Variants in PHACTR1 observed in about 807,000 individuals in gnomAD.
PHACTR1 encodes RPEL repeat containing 1.
In PHACTR1, 16 loss-of-function variants were observed where a neutral mutation model predicts 69.2. That is an observed-to-expected ratio of 0.23 (90% CI 0.16 to 0.35). PHACTR1 has a LOEUF of 0.35. Among genes scored for constraint, PHACTR1 ranks in the 10% least tolerant of loss-of-function variants. PHACTR1 has a pLI of 1.00. For missense variants in PHACTR1, 510 were observed against 734.7 expected (o/e 0.69, Z 3.54); for synonymous variants, 312 against 284.5 (o/e 1.10, Z -0.97).
intron 4 of PHACTR1, among the ~76,000 whole-genome samples, chr6:13,046,748 C>A (rs539974069): frequency 1.3e-5 from 2 of 152,006 alleles, no homozygotes; most frequent in African/African-American, 4.8e-5. Context: ...ACGTCCCCAT[C>A]CCATTCCTAA....
chr6:13,255,673 T>C (rs1775086135), intron 10 of PHACTR1, among the ~76,000 whole-genome samples: 1 of 152,252 alleles, frequency 6.6e-6, no homozygotes, highest in South Asian at 2.1e-4. Context: ...GTCCTAAACC[T>C]AGCAGGGCAG....
chr6:13,265,618 G>A (rs997857505), intron 10 of PHACTR1, among the ~76,000 whole-genome samples: 1 of 152,170 alleles, frequency 6.6e-6, no homozygotes, highest in African/African-American at 2.4e-5. Flanking sequence ...TTGTTTGACC[G>A]AGTCTATTGG....
chr6:12,730,677 T>C (rs2127571070), intron 3 of PHACTR1, among the ~76,000 whole-genome samples: 1 of 152,348 alleles, frequency 6.6e-6, no homozygotes, highest in Admixed American at 6.5e-5. Flanking sequence ...TGAGGGTTTG[T>C]TGTACAGATT....
intron 10 of PHACTR1, among the ~76,000 whole-genome samples, chr6:13,255,893 G>A (rs780420398): frequency 1.3e-5 from 2 of 152,220 alleles, no homozygotes; most frequent in African/African-American, 2.4e-5. Flanking sequence ...ATCTTCTGGG[G>A]CCTAGAGGAC....
chr6:13,136,888 A>C (rs958747864), intron 5 of PHACTR1, among the ~76,000 whole-genome samples: 2 of 152,216 alleles, frequency 1.3e-5, no homozygotes, highest in African/African-American at 4.8e-5. Flanking sequence ...CCTCAAAACG[A>C]TTACAATAGT....
intron 8 of PHACTR1, among the ~76,000 whole-genome samples, chr6:13,214,691 G>A (rs936436865): frequency 1.6e-4 from 25 of 152,166 alleles, no homozygotes; most frequent in Non-Finnish European, 1.0e-4. Flanking sequence ...CATTCTAGAC[G>A]GATTAGAGGA....
intron 7 of PHACTR1, 120 bp from the exon 8 acceptor site, chr6:13,205,695 G>A (rs1242645674): frequency 9.7e-6 from 9 of 925,784 alleles, no homozygotes; most frequent in South Asian, 3.4e-5. Flanking sequence ...TCCAACTGAC[G>A]CATTTTACCT....
intron 7 of PHACTR1, among the ~76,000 whole-genome samples, chr6:13,185,763 C>T (rs563450488): frequency 2.6e-4 from 40 of 152,154 alleles, no homozygotes; most frequent in Non-Finnish European, 4.7e-4. Flanking sequence ...TGATGCTGAT[C>T]GACTGCCTTT....
chr6:13,279,234 A>G (rs1057368493), intron 12 of PHACTR1: 1 of 152,204 alleles, frequency 6.6e-6, no homozygotes, highest in Non-Finnish European at 1.5e-5. Context: ...GTAGCCTCGC[A>G]TGCATCTCAT....
intron 5 of PHACTR1, among the ~76,000 whole-genome samples, chr6:13,101,333 G>A (rs1472182714): frequency 4.6e-5 from 7 of 152,186 alleles, no homozygotes; most frequent in Admixed American, 2.6e-4. Flanking sequence ...CTCATGACCT[G>A]ATCACTTCTT....
chr6:13,129,185 C>A (rs1033964265), intron 5 of PHACTR1, among the ~76,000 whole-genome samples: 4 of 152,022 alleles, frequency 2.6e-5, no homozygotes, highest in Non-Finnish European at 5.9e-5. Context: ...CCTCAAAATA[C>A]AGCAAAATAG....
chr6:13,001,289 C>G (rs1798067747), intron 4 of PHACTR1, among the ~76,000 whole-genome samples: 1 of 152,198 alleles, frequency 6.6e-6, no homozygotes, highest in Non-Finnish European at 1.5e-5. Context: ...ATCCCACTCT[C>G]AGCTTTCGAG....
intron 4 of PHACTR1, among the ~76,000 whole-genome samples, chr6:12,934,802 C>G (rs1431424305): frequency 1.3e-5 from 2 of 151,880 alleles, no homozygotes; most frequent in Admixed American, 1.3e-4. Context: ...TGCCACTACA[C>G]TCCAGTCTAG....
intron 10 of PHACTR1, among the ~76,000 whole-genome samples, chr6:13,265,221 G>C (rs1288942894): frequency 1.3e-5 from 2 of 152,004 alleles, no homozygotes; most frequent in African/African-American, 4.8e-5. Flanking sequence ...AGGGGCTCTA[G>C]GTGTTGTCAG....
chr6:13,272,983 C>A, intron 11 of PHACTR1, 68 bp downstream of exon 11: 4 of 1,592,162 alleles, frequency 2.5e-6, no homozygotes, highest in Admixed American at 1.7e-5. Flanking sequence ...TAATGGTAGG[C>A]CACAAGGTTT....
intron 5 of PHACTR1, among the ~76,000 whole-genome samples, chr6:13,140,712 A>G (rs566921292): frequency 1.3e-5 from 2 of 152,370 alleles, no homozygotes; most frequent in Admixed American, 1.3e-4. Flanking sequence ...AGATGGTTGC[A>G]CAATGATGTG....
chr6:13,052,460 C>A lies in PHACTR1; in HGVS notation c.251-905C>A, dbSNP rs557181340. ...TCTGGGAAGTTGAATTCCTTCCATG[C>A]TCTCAATTTTGCCAAAGAGCTTAGT... On this transcript the variant is annotated intron_variant, in intron 4 of 14. Transcript: ENST00000332995. Among the ~76,000 whole-genome samples, 8 of 152,294 alleles carry A rather than the reference C, an allele frequency of 5.3e-5. No homozygotes were observed. The South Asian group carries it at 1.7e-3, about 32-fold the overall frequency.
intron 5 of PHACTR1, among the ~76,000 whole-genome samples, chr6:13,120,219 T>C (rs753088467): frequency 6.6e-6 from 1 of 152,160 alleles, no homozygotes; most frequent in Non-Finnish European, 1.5e-5. Context: ...CTTTCCTCCT[T>C]CTTCCTTTCT....
At chr6:12,940,849 A>G (rs1197530928) in intron 4 of PHACTR1, among the ~76,000 whole-genome samples, 3 of 152,196 alleles carry the variant, frequency 2.0e-5, no homozygotes, top group African/African-American at 7.2e-5. Context: ...GACGCTTACT[A>G]TCTGTTCATG....
Sources: allele counts gnomAD v4.1 joint callset (sites outside exome capture counted in the v4.1 genomes callset), GRCh38; gene constraint gnomAD v4.1.1; transcripts MANE v1.5; gene names NCBI Gene and HGNC (gene_info 2026-07-23, HGNC 2026-07-21).